Variants in SLC7A5 observed in about 807,000 individuals in gnomAD.
SLC7A5 encodes solute carrier family 7 member 5.
Under a neutral mutation model 50.2 loss-of-function variants are expected in SLC7A5, and 23 were observed. The observed-to-expected ratio is 0.46, with a 90% CI of 0.33 to 0.65. The LOEUF (loss-of-function observed/expected upper bound fraction) is 0.65. Ranked by LOEUF, SLC7A5 falls within the 30% of genes least tolerant of loss-of-function variation. The pLI is 0.02. For synonymous variants in SLC7A5, 393 were observed against 330.6 expected, an observed-to-expected ratio of 1.19 and a Z score of -2.05; for missense variants, 578 against 684.4, an observed-to-expected ratio of 0.84 and a Z score of 1.73.
chr16:87,830,383 G>C lies in SLC7A5; in HGVS notation c.*2587C>G, dbSNP rs2054921756. 6.6e-6 allele frequency: 1 copy of C among 152,264 alleles called. No individual in the cohort carries two copies. 9.4% of individuals were successfully genotyped at this position (152,264 alleles called of 1,614,324 possible). ...AAAATGCACTTGCTTGTTGTGGTGG[G>C]TTGTGCTTGAAAACACCTGAAGCCC... On this transcript the variant is annotated 3_prime_UTR_variant, in exon 10 of 10. Coordinates refer to ENST00000261622, the MANE Select transcript of SLC7A5 (RefSeq NM_003486.7).
At chr16:87,837,651 A>C (rs1169329714) in intron 7 of SLC7A5, 194 bp downstream of exon 7, 13 of 583,144 alleles carry the variant, frequency 2.2e-5, no homozygotes, top group Non-Finnish European at 4.0e-5. Context: ...GGCAGCCACC[A>C]TATATTATTT....
intron 2 of SLC7A5, among the ~76,000 whole-genome samples, chr16:87,844,994 G>A (rs1335982001): frequency 6.6e-6 from 1 of 152,240 alleles, no homozygotes; most frequent in Non-Finnish European, 1.5e-5. Flanking sequence ...GCGACACAGA[G>A]ACAGATCCAG....
At chr16:87,840,181 G>A (rs1298097270) in intron 4 of SLC7A5, among the ~76,000 whole-genome samples, 1 of 152,240 alleles carries the variant, frequency 6.6e-6, no homozygotes, top group African/African-American at 2.4e-5. Context: ...CGAGAGCCCA[G>A]GCAGCTCCTC....
At chr16:87,839,276 C>G (rs1423497790) in intron 5 of SLC7A5, among the ~76,000 whole-genome samples, 1 of 152,162 alleles carries the variant, frequency 6.6e-6, no homozygotes, top group Non-Finnish European at 1.5e-5. Context: ...GCTGAGCTGC[C>G]CGGTGACACC....
Position 87,837,886 on chromosome 16 carries a change from G to T in SLC7A5, c.1099C>A (p.His367Asn). 1 of 1,608,534 alleles carries T rather than the reference G, an allele frequency of 6.2e-7. No individual in the cohort carries two copies. The highest frequency in any genetic ancestry group is 8.5e-7 in the Non-Finnish European group (1 of 1,178,490). Reference sequence around the variant, plus strand: ...GGCACGGGGGTGAGGAGCTGTGGGTGGATCATGGAGAGGATGGAGGGCAGG... The same window carrying T: ...GGCACGGGGGTGAGGAGCTGTGGGTTGATCATGGAGAGGATGGAGGGCAGG... ...GHLPSILSMI[H>N]PQLLTPVPSL... is the part of the protein sequence containing the mutation. Residue 367 changes from histidine to asparagine, a missense_variant, in exon 7 of 10, where the codon CAC becomes AAC. By Grantham distance (68) the His-to-Asn change is moderately conservative. This residue lies in a region of SLC7A5 where 465 missense variants were observed against 594.6 expected (regional missense o/e 0.78). Transcript: ENST00000261622.
At chr16:87,848,933 A>G (rs74039983) in intron 2 of SLC7A5, among the ~76,000 whole-genome samples, 66,979 of 152,058 alleles carry the variant, frequency 0.44, 17,017 homozygotes, top group African/African-American at 0.69. Context: ...CAAGGCCTAC[A>G]GGACCCTAGG....
chr16:87,851,056 C>T (rs2055216382), intron 2 of SLC7A5, among the ~76,000 whole-genome samples: 1 of 152,206 alleles, frequency 6.6e-6, no homozygotes, highest in South Asian at 2.1e-4. Context: ...CAGTGATTTC[C>T]CCAAGATCAC....
At position 87,833,136 on chromosome 16, in the gene SLC7A5, G is replaced by A. The variant is rs2054953799; in HGVS notation, c.1469-111C>T. The A allele has an allele frequency of 9.3e-6, 8 of 864,656 alleles. No homozygotes were observed. The highest frequency in any genetic ancestry group is 7.4e-5 in the East Asian group (3 of 40,560). 53.6% of individuals were successfully genotyped at this position (864,656 alleles called of 1,614,324 possible). ...CCCTGCTGTCACCAAACCCAGCGCC[G>A]CTGCCCAGCGCTGGGATTTTAAGGA... On this transcript the variant is annotated intron_variant, in intron 9 of 9. Coordinates refer to ENST00000261622, the MANE Select transcript of SLC7A5 (RefSeq NM_003486.7). This position sits in a 1 kb window ranked among gnomAD's most constrained non-coding sequence, Gnocchi z 6.0.
At position 87,861,727 on chromosome 16, in the gene SLC7A5, T is replaced by C. The variant is rs1448419664; in HGVS notation, c.538+7158A>G. Reference sequence around the variant, plus strand: ...GCTGATACACATTTCTGGGCAAGATTCTGCACATTCTGCTGGATTATGAAA... The same window carrying C: ...GCTGATACACATTTCTGGGCAAGATCCTGCACATTCTGCTGGATTATGAAA... On this transcript the variant is annotated intron_variant, in intron 1 of 9. Transcript: ENST00000261622. This position sits in a 1 kb window ranked among gnomAD's most constrained non-coding sequence, Gnocchi z 4.2. Among the ~76,000 whole-genome samples the C allele has an allele frequency of 1.6e-4, 25 of 152,186 alleles. 1 individual carries two copies. Among genetic ancestry groups the C allele is most frequent in the Admixed American group, 1.6e-3 (25 of 15,286 alleles).
chr16:87,842,842 G>A (rs2055098288), intron 2 of SLC7A5, among the ~76,000 whole-genome samples: 1 of 148,752 alleles, frequency 6.7e-6, no homozygotes, highest in South Asian at 2.2e-4. Context: ...GAGCAGCTCA[G>A]GACAGGGCAC....
rs564286758 is a variant in SLC7A5, at chr16:87,850,365, G to A, written c.664+1359C>T. 7.9e-5 allele frequency among the ~76,000 whole-genome samples: 12 copies of A among 152,290 alleles called. 1 individual carries two copies. The South Asian group carries it at 1.7e-3, about 21-fold the overall frequency. Reference sequence around the variant, plus strand: ...ATGGGGGCGGGGCAGCTCACAGCTTGCTGGGTGAGGACCTTCCTGCCTCTA... The same window carrying A: ...ATGGGGGCGGGGCAGCTCACAGCTTACTGGGTGAGGACCTTCCTGCCTCTA... On this transcript the variant is annotated intron_variant, in intron 2 of 9. Transcript: ENST00000261622.
Position 87,832,731 on chromosome 16 carries a change from AC to A in SLC7A5, c.*238del. ...GGGAAGGGAAAAAGGGCCCAAGGAG[AC>A]CAAAAGCTGCTCCTGGGCAGGAGCA... On this transcript the variant is annotated 3_prime_UTR_variant, in exon 10 of 10. Coordinates refer to ENST00000261622, the MANE Select transcript of SLC7A5 (RefSeq NM_003486.7). The surrounding 1 kb of genome is among the most constrained non-coding windows in gnomAD (Gnocchi z 4.6). 2.1e-6 allele frequency: 1 copy of A among 478,030 alleles called. No homozygotes were observed. The highest frequency in any genetic ancestry group is 2.2e-5 in the South Asian group (1 of 44,944). 29.6% of individuals were successfully genotyped at this position (478,030 alleles called of 1,614,324 possible).
At chr16:87,835,215 C>A (rs1255647061) in intron 8 of SLC7A5, among the ~76,000 whole-genome samples, 1 of 152,240 alleles carries the variant, frequency 6.6e-6, no homozygotes. Flanking sequence ...AGGTCCCAGC[C>A]CATCAGTGTG....
chr16:87,835,592 A>C (rs537534335), intron 8 of SLC7A5, among the ~76,000 whole-genome samples: 1 of 151,866 alleles, frequency 6.6e-6, no homozygotes, highest in Admixed American at 6.6e-5. Flanking sequence ...TCCTGCCTCC[A>C]CCTCCCGAGT....
intron 1 of SLC7A5, among the ~76,000 whole-genome samples, chr16:87,859,833 T>C (rs2055366613): frequency 6.6e-6 from 1 of 151,968 alleles, no homozygotes; most frequent in Non-Finnish European, 1.5e-5. Flanking sequence ...CCCAGCTACT[T>C]GCGAGGCTGA....
Position 87,835,765 on chromosome 16 carries a change from C to T in SLC7A5, c.1290+733G>A, listed in dbSNP as rs528207234. 1.8e-3 allele frequency among the ~76,000 whole-genome samples: 272 copies of T among 152,356 alleles called. 2 individuals are homozygous for T. Among genetic ancestry groups the T allele is most frequent in the Middle Eastern group, 0.017 (5 of 294 alleles). ...CTGGGATTACAGGCGTGAGCCACCG[C>T]GCCCAGCCTAAAGCCCGTTCAACAG... On this transcript the variant is annotated intron_variant, in intron 8 of 9. Coordinates refer to ENST00000261622, the MANE Select transcript of SLC7A5 (RefSeq NM_003486.7).
At chr16:87,844,071 G>A (rs994753582) in intron 2 of SLC7A5, among the ~76,000 whole-genome samples, 20 of 152,184 alleles carry the variant, frequency 1.3e-4, no homozygotes, top group African/African-American at 3.6e-4. Context: ...AGGGGACAGC[G>A]TGACAGGGAA....
In SLC7A5 at chr16:87,833,282, G is replaced by A. The variant is rs1256657090; in HGVS notation, c.1469-257C>T. Among the ~76,000 whole-genome samples, 1 of 152,260 alleles carries A rather than the reference G, an allele frequency of 6.6e-6. No homozygotes were observed. The highest frequency in any genetic ancestry group is 6.5e-5 in the Admixed American group (1 of 15,290). The stretch of plus-strand genomic sequence containing the variant: ...CTCGCCTGCTTCAGAACCCTGGGGA[G>A]GCAGAGTGCGGCCCCTGGGGCACAC... On this transcript the variant is annotated intron_variant, in intron 9 of 9. Coordinates refer to ENST00000261622, the MANE Select transcript of SLC7A5 (RefSeq NM_003486.7). This position sits in a 1 kb window ranked among gnomAD's most constrained non-coding sequence, Gnocchi z 6.0.
At chr16:87,844,874 G>C (rs1024054039) in intron 2 of SLC7A5, among the ~76,000 whole-genome samples, 4 of 152,282 alleles carry the variant, frequency 2.6e-5, no homozygotes, top group African/African-American at 7.2e-5. Context: ...GGAGCTGCGG[G>C]ATGTGTCCTA....
Sources: allele counts gnomAD v4.1 joint callset (sites outside exome capture counted in the v4.1 genomes callset), GRCh38; gene constraint gnomAD v4.1.1; regional missense constraint gnomAD v4.1.1; non-coding constraint Gnocchi (gnomAD v3.1); transcripts MANE v1.5; gene names NCBI Gene and HGNC (gene_info 2026-07-23, HGNC 2026-07-21).